Variants in SIRPA observed in about 807,000 individuals in gnomAD.
SIRPA encodes the protein signal regulatory protein alpha.
In SIRPA, 9 loss-of-function variants were observed where a neutral mutation model predicts 50.3. The ratio of observed to expected loss-of-function variants is 0.18; its 90% CI spans 0.11 to 0.31. The LOEUF is 0.31. Among genes scored for constraint, SIRPA ranks in the 10% least tolerant of loss-of-function variants. The pLI, the probability that SIRPA is intolerant of heterozygous loss-of-function variation, is 1.00. For synonymous variants in SIRPA, 265 were observed against 284.1 expected, an observed-to-expected ratio of 0.93 and a Z score of 0.68; for missense variants, 474 against 661.6, an observed-to-expected ratio of 0.72 and a Z score of 3.11.
At chr20:1,894,732 C>T (rs1983652443), upstream of SIRPA, 1 of 148,122 alleles carries the variant, frequency 6.8e-6, no homozygotes, top group Non-Finnish European at 1.5e-5. The surrounding 1 kb of genome is among the most constrained non-coding windows in gnomAD (Gnocchi z 4.0). Context: ...CCCGGCCGGG[C>T]GCGCAGCTCG....
intron 2 of SIRPA, among the ~76,000 whole-genome samples, chr20:1,920,406 G>GCA (rs1292325149): frequency 2.6e-5 from 4 of 152,206 alleles, no homozygotes; most frequent in African/African-American, 9.7e-5. Flanking sequence ...TAGGAGGTAT[G>GCA]GGGTAATGAT....
chr20:1,922,771 AT>A, intron 4 of SIRPA, 126 bp downstream of exon 4: 3 of 1,176,558 alleles, frequency 2.5e-6, no homozygotes, highest in Non-Finnish European at 3.5e-6. Flanking sequence ...ATAAAGTAGA[AT>A]TTTAATGTCA....
intron 1 of SIRPA, among the ~76,000 whole-genome samples, chr20:1,903,596 C>T (rs990067907): frequency 2.0e-5 from 3 of 152,192 alleles, no homozygotes; most frequent in Non-Finnish European, 4.4e-5. Flanking sequence ...TCTCTTCATC[C>T]TCACCTCTTA....
At chr20:1,907,644 TGC>T (rs1984625882) in intron 1 of SIRPA, among the ~76,000 whole-genome samples, 1 of 152,316 alleles carries the variant, frequency 6.6e-6, no homozygotes, top group African/African-American at 2.4e-5. Context: ...AACCTCCTCT[TGC>T]AACACCGATC....
rs901837533 is a variant in SIRPA, at chr20:1,939,122, G to T, written c.*1554G>T. 13 of 152,484 alleles carry T rather than the reference G, an allele frequency of 8.5e-5. No individual in the cohort carries two copies. Among genetic ancestry groups the T allele is most frequent in the African/African-American group, 3.1e-4 (13 of 41,432 alleles). The allele number at this position is 152,484 out of a possible 1,614,324, so 9.4% of individuals were successfully genotyped here. On this transcript the variant is annotated 3_prime_UTR_variant, in exon 8 of 8. Coordinates refer to ENST00000358771, the MANE Select transcript of SIRPA (RefSeq NM_001040023.2). The surrounding 1 kb of genome is among the most constrained non-coding windows in gnomAD (Gnocchi z 4.7). ...CTTTAACCCCCACCCTTCCAGTCGG[G>T]TGTGAGGGCCTGACCGGGCCCAGGG...
chr20:1,915,548 G>A, intron 2 of SIRPA, 93 bp downstream of exon 2: 4 of 1,445,744 alleles, frequency 2.8e-6, no homozygotes, highest in Non-Finnish European at 3.8e-6. Context: ...AGGTGTGGTG[G>A]TAGGTGCTCC....
At position 1,927,027 on chromosome 20, in the gene SIRPA, T is replaced by C. The variant is rs533524739; in HGVS notation, c.1202-848T>C. Among the ~76,000 whole-genome samples the C allele has an allele frequency of 9.1e-4, 138 of 152,354 alleles. 1 individual carries two copies. Among genetic ancestry groups the C allele is most frequent in the African/African-American group, 3.2e-3 (134 of 41,584 alleles). On this transcript the variant is annotated intron_variant, in intron 5 of 7. Coordinates refer to ENST00000358771, the MANE Select transcript of SIRPA (RefSeq NM_001040023.2). The surrounding 1 kb of genome is among the most constrained non-coding windows in gnomAD (Gnocchi z 6.5). ...CTTGTGTCCAGCACTTTGCAACCTGTCAGCCTCCACTCAGACTTTCGGTGC... is the reference window on the plus strand; with the variant it reads ...CTTGTGTCCAGCACTTTGCAACCTGCCAGCCTCCACTCAGACTTTCGGTGC...
In SIRPA at chr20:1,912,946, T is replaced by C. The variant is rs973618083; in HGVS notation, c.80-2153T>C. ...CCCGCCTGGATGGGCCTCCCGGGCC[T>C]CCCACACATTTGGCCACCAGCCTCA... On this transcript the variant is annotated intron_variant, in intron 1 of 7. Coordinates refer to ENST00000358771, the MANE Select transcript of SIRPA (RefSeq NM_001040023.2). Among the ~76,000 whole-genome samples, 10 of 152,338 alleles carry C rather than the reference T, an allele frequency of 6.6e-5. 2 individuals are homozygous for C. Among genetic ancestry groups the C allele is most frequent in the East Asian group, 1.9e-4 (1 of 5,186 alleles).
chr20:1,896,703 G>A (rs1034310497), intron 1 of SIRPA, among the ~76,000 whole-genome samples: 6 of 151,996 alleles, frequency 3.9e-5, no homozygotes, highest in African/African-American at 1.5e-4. Context: ...AGAAGTATGG[G>A]GGGTAGACAG....
rs1001503830 is a variant in SIRPA, at chr20:1,924,468, G to T, written c.1088-296G>T. On this transcript the variant is annotated intron_variant, in intron 4 of 7. Coordinates refer to ENST00000358771, the MANE Select transcript of SIRPA (RefSeq NM_001040023.2). This position sits in a 1 kb window ranked among gnomAD's most constrained non-coding sequence, Gnocchi z 4.5. ...ACTCCAGATGAGAAGGAACGTTTCT[G>T]TTCCTCAGGAGTGAGATTTCTGCCT... 6.6e-6 allele frequency among the ~76,000 whole-genome samples: 1 copy of T among 152,214 alleles called. No homozygotes were observed. Among genetic ancestry groups the T allele is most frequent in the Non-Finnish European group, 1.5e-5 (1 of 68,030 alleles).
rs913093322 is a variant in SIRPA at position 1,898,323 on chromosome 20, T to C, written c.79+2797T>C. Among the ~76,000 whole-genome samples the C allele has an allele frequency of 6.6e-6, 1 of 152,224 alleles. No individual in the cohort carries two copies. The highest frequency in any genetic ancestry group is 2.4e-5 in the African/African-American group (1 of 41,464). On this transcript the variant is annotated intron_variant, in intron 1 of 7. Coordinates refer to ENST00000358771, the MANE Select transcript of SIRPA (RefSeq NM_001040023.2). The surrounding 1 kb of genome is among the most constrained non-coding windows in gnomAD (Gnocchi z 4.3). ...GCTGTTGGAAGTTCCTTTAAAGCCA[T>C]AGTTTTCTCTGAGTACTTTCTGGCC...
Position 1,924,851 on chromosome 20 carries a change from A to G in SIRPA, c.1175A>G (p.Tyr392Cys). The G allele has an allele frequency of 1.9e-6, 3 of 1,613,900 alleles. No homozygotes were observed. Among genetic ancestry groups the G allele is most frequent in the Admixed American group, 1.7e-5 (1 of 60,008 alleles). Reference sequence around the variant, plus strand: ...GTGGCCCTACTGATGGCGGCCCTCTACCTCGTCCGAATCAGACAGAAGAAA... The same window carrying G: ...GTGGCCCTACTGATGGCGGCCCTCTGCCTCGTCCGAATCAGACAGAAGAAA... ...LLVALLMAALYLVRIRQKKAQ... is the reference protein window; with the variant it reads ...LLVALLMAALCLVRIRQKKAQ... Residue 392 changes from tyrosine to cysteine, a missense_variant, in exon 5 of 8, where the codon TAC (tyrosine) becomes TGC (cysteine). This residue lies in a region of SIRPA where 180 missense variants were observed against 206.7 expected (regional missense o/e 0.87). Transcript: ENST00000358771. This position sits in a 1 kb window ranked among gnomAD's most constrained non-coding sequence, Gnocchi z 4.5.
At position 1,921,622 on chromosome 20, in the gene SIRPA, G is replaced by A. The variant is rs143385810; in HGVS notation, c.664G>A (p.Val222Ile). The change falls in exon 3 of 8, where the codon GTT becomes ATT. Residue 222 changes from valine to isoleucine, a missense_variant. By Grantham distance (29) the Val-to-Ile change is conservative. Coordinates refer to ENST00000358771, the MANE Select transcript of SIRPA (RefSeq NM_001040023.2). Reference protein sequence around the residue: ...TAKVVLTREDVHSQVICEVAH... With the variant: ...TAKVVLTREDIHSQVICEVAH... ...CAAGGTGGTGCTGACCCGCGAGGAC[G>A]TTCACTCTCAAGTCATCTGCGAGGT... The A allele has an allele frequency of 8.7e-6, 14 of 1,614,096 alleles. No homozygotes were observed. Among genetic ancestry groups the A allele is most frequent in the Middle Eastern group, 1.6e-4 (1 of 6,084 alleles).
At chr20:1,895,082 TCG>T (rs1349016603), upstream of SIRPA, among the ~76,000 whole-genome samples, 1 of 151,064 alleles carries the variant, frequency 6.6e-6, no homozygotes, top group Non-Finnish European at 1.5e-5. Context: ...GCCTCGCTCC[TCG>T]CTCCTCGCTC....
Position 1,928,674 on chromosome 20 carries a change from A to C in SIRPA, c.1226+775A>C, listed in dbSNP as rs1345859811. On this transcript the variant is annotated intron_variant, in intron 6 of 7. Coordinates refer to ENST00000358771, the MANE Select transcript of SIRPA (RefSeq NM_001040023.2). The surrounding 1 kb of genome is among the most constrained non-coding windows in gnomAD (Gnocchi z 4.9). ...TAGGCAGAGGAAGGGACTGCCTCTG[A>C]AAAGGGGATGCAAACGGGTGCCTGA... is the stretch of plus-strand genomic sequence containing the variant. 6.6e-6 allele frequency among the ~76,000 whole-genome samples: 1 copy of C among 152,160 alleles called. No homozygotes were observed. The highest frequency in any genetic ancestry group is 2.4e-5 in the African/African-American group (1 of 41,438).
intron 1 of SIRPA, among the ~76,000 whole-genome samples, chr20:1,903,600 C>T (rs537881694): frequency 3.3e-4 from 51 of 152,338 alleles, no homozygotes; most frequent in African/African-American, 1.2e-3. Flanking sequence ...TTCATCCTCA[C>T]CTCTTACCAC....
chr20:1,913,603 A>G (rs1038793964), intron 1 of SIRPA, among the ~76,000 whole-genome samples: 4 of 152,058 alleles, frequency 2.6e-5, no homozygotes, highest in Admixed American at 2.6e-4. Context: ...GTCACCTGTC[A>G]CCTGCATACC....
chr20:1,931,053 G>A (rs1053324014), intron 6 of SIRPA, among the ~76,000 whole-genome samples: 22 of 152,182 alleles, frequency 1.4e-4, no homozygotes, highest in African/African-American at 4.3e-4. Flanking sequence ...TAACCCACTT[G>A]TGATTTTAAT....
At chr20:1,910,951 A>C (rs1331172111) in intron 1 of SIRPA, among the ~76,000 whole-genome samples, 1 of 152,242 alleles carries the variant, frequency 6.6e-6, no homozygotes, top group East Asian at 1.9e-4. Context: ...TGCAAACAGA[A>C]AACATAAACA....
Sources: gnomAD v4.1 joint callset for allele counts (sites outside exome capture counted in the v4.1 genomes callset) on GRCh38, gnomAD v4.1.1 for gene constraint, gnomAD v4.1.1 regional missense constraint, Gnocchi (gnomAD v3.1) non-coding constraint, MANE v1.5 for transcripts, NCBI Gene and HGNC (gene_info 2026-07-23, HGNC 2026-07-21) for gene names.